The following TGFA variants were observed in gnomAD, a reference collection of about 807,000 sequenced individuals.
TGFA encodes the protein protransforming growth factor alpha.
Under a neutral mutation model 21.7 loss-of-function variants are expected in TGFA, and 12 were observed. The ratio of observed to expected loss-of-function variants is 0.55; its 90% CI spans 0.35 to 0.90. TGFA has a LOEUF of 0.90. Ranked by LOEUF, TGFA falls within the 40% of genes least tolerant of loss-of-function variation. TGFA has a pLI of 0.01. For synonymous variants in TGFA, 79 were observed against 88.1 expected (o/e 0.90, Z 0.58); for missense variants, 178 against 210.8 (o/e 0.84, Z 0.96).
At chr2:70,469,335 A>C (rs60003673) in intron 2 of TGFA, among the ~76,000 whole-genome samples, 2 of 151,044 alleles carry the variant, frequency 1.3e-5, no homozygotes, top group Non-Finnish European at 2.9e-5. Context: ...TTAATTAATT[A>C]ATTTATATTT....
chr2:70,527,035 C>G (rs1392709298), intron 1 of TGFA, among the ~76,000 whole-genome samples: 1 of 152,210 alleles, frequency 6.6e-6, no homozygotes, highest in African/African-American at 2.4e-5. Context: ...CTTTAGAAGA[C>G]AGTTTTTCAG....
intron 5 of TGFA, 81 bp downstream of exon 5, chr2:70,453,137 C>T: frequency 1.6e-6 from 2 of 1,257,268 alleles, no homozygotes; most frequent in East Asian, 2.4e-5. Flanking sequence ...CTTCATACTC[C>T]AGGAACTTCT....
chr2:70,477,141 A>T (rs1553494593), intron 2 of TGFA, among the ~76,000 whole-genome samples: 1 of 152,268 alleles, frequency 6.6e-6, no homozygotes, highest in Non-Finnish European at 1.5e-5. Flanking sequence ...TTGTAGTGTT[A>T]TAGAAGACTG....
intron 1 of TGFA, among the ~76,000 whole-genome samples, chr2:70,527,951 A>G (rs1672689246): frequency 6.6e-6 from 1 of 152,210 alleles, no homozygotes; most frequent in South Asian, 2.1e-4. Context: ...CTGGAAATGC[A>G]GAGGAGACAC....
chr2:70,529,704 G>A (rs1672758697), intron 1 of TGFA, among the ~76,000 whole-genome samples: 2 of 152,282 alleles, frequency 1.3e-5, no homozygotes. Flanking sequence ...AGCACTAGGG[G>A]CCTGGACTTT....
chr2:70,502,511 G>C lies in TGFA; in HGVS notation c.94+12348C>G, dbSNP rs568983547. Among the ~76,000 whole-genome samples, 7 of 152,004 alleles carry C rather than the reference G, an allele frequency of 4.6e-5. No homozygotes were observed. In the South Asian group the frequency reaches 1.5e-3, roughly 32 times the overall value. On this transcript the variant is annotated intron_variant, in intron 2 of 5. Coordinates refer to ENST00000295400, the MANE Select transcript of TGFA (RefSeq NM_003236.4). ...TGAGTCACCATGCCTGGCTAAGACG[G>C]GATTTTACCATGTTGGCCAGGCTGG... is the stretch of plus-strand genomic sequence containing the variant.
At chr2:70,464,637 T>C (rs1553491899) in intron 3 of TGFA, among the ~76,000 whole-genome samples, 1 of 152,192 alleles carries the variant, frequency 6.6e-6, no homozygotes, top group African/African-American at 2.4e-5. Flanking sequence ...AATGTAATAG[T>C]GCCAAGGTTC....
intron 3 of TGFA, among the ~76,000 whole-genome samples, chr2:70,460,135 C>T (rs923112533): frequency 3.3e-5 from 5 of 152,140 alleles, no homozygotes; most frequent in Non-Finnish European, 5.9e-5. Flanking sequence ...CAACGTTTCT[C>T]AACTGTGGCT....
intron 2 of TGFA, among the ~76,000 whole-genome samples, chr2:70,491,287 C>A (rs1292180090): frequency 6.6e-6 from 1 of 152,186 alleles, no homozygotes; most frequent in African/African-American, 2.4e-5. Context: ...CCAGGACAAA[C>A]CCATGTTGGG....
intron 1 of TGFA, among the ~76,000 whole-genome samples, chr2:70,539,598 G>A (rs1342876158): frequency 1.3e-5 from 2 of 152,062 alleles, no homozygotes; most frequent in Non-Finnish European, 2.9e-5. Flanking sequence ...GGGATTACAG[G>A]CACCTGCCAT....
intron 1 of TGFA, among the ~76,000 whole-genome samples, chr2:70,517,348 G>A (rs1672315949): frequency 1.3e-5 from 2 of 152,216 alleles, no homozygotes; most frequent in Admixed American, 6.5e-5. Flanking sequence ...GAGGCCCTGT[G>A]ATGAGCGGCA....
rs1333283392 is a variant in TGFA at position 70,450,414 on chromosome 2, C to T, written c.*445G>A. 1.3e-5 allele frequency: 2 copies of T among 157,974 alleles called. No individual in the cohort carries two copies. Among genetic ancestry groups the T allele is most frequent in the East Asian group, 3.6e-4 (2 of 5,576 alleles). The allele number at this position is 157,974 out of a possible 1,614,324, so 9.8% of individuals were successfully genotyped here. On this transcript the variant is annotated 3_prime_UTR_variant, in exon 6 of 6. Transcript: ENST00000295400. ...ACAGTTTCCCCTCCTTCACTTTCTT[C>T]CCCAGTAGGCAAATGACAGAAAACA...
At chr2:70,537,770 C>T (rs1243595948) in intron 1 of TGFA, among the ~76,000 whole-genome samples, 1 of 152,246 alleles carries the variant, frequency 6.6e-6, no homozygotes, top group East Asian at 1.9e-4. Flanking sequence ...CATGACAGTG[C>T]ACAGCGAAGC....
Position 70,514,832 on chromosome 2 carries a change from C to A in TGFA, c.94+27G>T, listed in dbSNP as rs782801548. 6 of 1,613,062 alleles carry A rather than the reference C, an allele frequency of 3.7e-6. No homozygotes were observed. In the African/African-American group the frequency reaches 5.3e-5, roughly 14 times the overall value. On this transcript the variant is annotated intron_variant, in intron 2 of 5. Coordinates refer to ENST00000295400, the MANE Select transcript of TGFA (RefSeq NM_003236.4). ...GGCCCGCTCCCTTCCCACACACGAT[C>A]CACACACCCACGGCAGCTGCACTCA... is the stretch of plus-strand genomic sequence containing the variant.
At chr2:70,499,469 C>G (rs1050565578) in intron 2 of TGFA, among the ~76,000 whole-genome samples, 1 of 152,194 alleles carries the variant, frequency 6.6e-6, no homozygotes, top group Non-Finnish European at 1.5e-5. Context: ...TTTGTCACTG[C>G]AGCATAACCT....
chr2:70,530,625 C>T (rs1029321301), intron 1 of TGFA, among the ~76,000 whole-genome samples: 3 of 152,228 alleles, frequency 2.0e-5, no homozygotes, highest in African/African-American at 4.8e-5. Flanking sequence ...TCTAAGGTAA[C>T]CCCAGGTTTA....
chr2:70,497,684 A>G (rs2103803551), intron 2 of TGFA, among the ~76,000 whole-genome samples: 1 of 152,286 alleles, frequency 6.6e-6, no homozygotes, highest in South Asian at 2.1e-4. Context: ...CCAGGTTTTG[A>G]AAAGACAGTG....
chr2:70,543,301 G>A (rs1489427024), intron 1 of TGFA, among the ~76,000 whole-genome samples: 3 of 151,998 alleles, frequency 2.0e-5, no homozygotes, highest in African/African-American at 7.3e-5. Flanking sequence ...GCTGAGGCAG[G>A]TGGATCTCTT....
intron 4 of TGFA, among the ~76,000 whole-genome samples, chr2:70,454,005 GAA>G (rs34051238): frequency 2.1e-5 from 3 of 144,540 alleles, no homozygotes; most frequent in Admixed American, 6.9e-5. Flanking sequence ...GACTTTGCAT[GAA>G]AAAAAAAAAG....
Sources: gnomAD v4.1 joint callset for allele counts (sites outside exome capture counted in the v4.1 genomes callset) on GRCh38, gnomAD v4.1.1 for gene constraint, MANE v1.5 for transcripts, NCBI Gene and HGNC (gene_info 2026-07-23, HGNC 2026-07-21) for gene names.